RHEB: variants seen among roughly 807,000 people sequenced by gnomAD.
RHEB encodes the protein Ras homolog, mTORC1 binding.
A neutral mutation model predicts 28.8 loss-of-function variants in RHEB; 2 were observed. The ratio of observed to expected loss-of-function variants is 0.07; its 90% CI spans 0.03 to 0.22. The LOEUF (loss-of-function observed/expected upper bound fraction) is 0.22. RHEB is among the 10% of genes least tolerant of loss of function. The probability of loss-of-function intolerance (pLI) is 1.00; values close to 1 mark genes in which losing one functional copy is unlikely to be tolerated. For missense variants in RHEB, 76 were observed against 219.9 expected (o/e 0.35, Z 4.14); for synonymous variants, 69 against 77.3 (o/e 0.89, Z 0.56).
At chr7:151,483,833 A>G (rs1802420685) in intron 3 of RHEB, among the ~76,000 whole-genome samples, 1 of 152,164 alleles carries the variant, frequency 6.6e-6, no homozygotes, top group African/African-American at 2.4e-5. Flanking sequence ...GCAGGCCTGG[A>G]TGTCATGGTA....
intron 3 of RHEB, among the ~76,000 whole-genome samples, chr7:151,480,207 C>T (rs565416250): frequency 1.3e-5 from 2 of 152,144 alleles, no homozygotes; most frequent in East Asian, 1.9e-4. Context: ...AAACAACGTC[C>T]GGGATGTTCA....
In RHEB at chr7:151,484,780, T is replaced by C. The variant is rs1278044521; in HGVS notation, c.149A>G (p.Asn50Ser). 6.2e-7 allele frequency: 1 copy of C among 1,612,884 alleles called. No individual in the cohort carries two copies. Among genetic ancestry groups the C allele is most frequent in the African/African-American group, 1.3e-5 (1 of 75,014 alleles). The change falls in exon 3 of 8, where the codon AAT (asparagine) becomes AGT (serine). Residue 50 changes from asparagine to serine, a missense_variant. Physicochemically the swap from Asn to Ser is conservative, Grantham distance 46 (BLOSUM62 1). Coordinates refer to ENST00000262187, the MANE Select transcript of RHEB (RefSeq NM_005614.4). ...AAGTTGAAGATGATATTCTTGTCCA[T>C]TTACTGTGATCAACTTTGTAAAAGC... Reference protein sequence around the residue: ...ENTFTKLITVNGQEYHLQLVD... With the variant: ...ENTFTKLITVSGQEYHLQLVD...
At chr7:151,485,410 G>A (rs1030762369) in intron 2 of RHEB, among the ~76,000 whole-genome samples, 4 of 152,060 alleles carry the variant, frequency 2.6e-5, no homozygotes, top group African/African-American at 7.2e-5. Flanking sequence ...AATAACTTCC[G>A]GAAAAGTCAA....
At chr7:151,477,910 AGGAGAGAG>A (rs1175637816) in intron 3 of RHEB, among the ~76,000 whole-genome samples, 2 of 151,996 alleles carry the variant, frequency 1.3e-5, no homozygotes, top group African/African-American at 2.4e-5. Context: ...CAGCATCTGA[AGGAGAGAG>A]GGAGAGAGGG....
intron 4 of RHEB, among the ~76,000 whole-genome samples, chr7:151,475,158 C>T (rs1318676447): frequency 6.6e-6 from 1 of 152,168 alleles, no homozygotes; most frequent in South Asian, 2.1e-4. Flanking sequence ...TTGGTGAGCA[C>T]ACTTTCATAT....
chr7:151,473,280 G>A (rs567492261), intron 4 of RHEB, among the ~76,000 whole-genome samples: 1 of 152,166 alleles, frequency 6.6e-6, no homozygotes, highest in Non-Finnish European at 1.5e-5. Context: ...TCAGGCCAGC[G>A]GCCAGCAAGG....
At chr7:151,475,632 A>G (rs1350578888) in intron 4 of RHEB, among the ~76,000 whole-genome samples, 2 of 152,236 alleles carry the variant, frequency 1.3e-5, no homozygotes, top group East Asian at 3.8e-4. Flanking sequence ...CTTATAAGTC[A>G]GTAAGAAAAT....
chr7:151,519,677 G>A lies in RHEB; in HGVS notation c.-166C>T. ...CTAGCTCGCGCGCTCCCAACCGCCC[G>A]GAACCGACCGCGCGGCGGCGCCCCT... On this transcript the variant is annotated 5_prime_UTR_variant, in exon 1 of 8. Transcript: ENST00000262187. 4.3e-6 allele frequency: 2 copies of A among 464,670 alleles called. No individual in the cohort carries two copies. Among genetic ancestry groups the A allele is most frequent in the Non-Finnish European group, 6.8e-6 (2 of 292,706 alleles). 28.8% of individuals were successfully genotyped at this position (464,670 alleles called of 1,614,324 possible).
At chr7:151,488,494 T>A (rs954595144) in intron 2 of RHEB, among the ~76,000 whole-genome samples, 18 of 152,236 alleles carry the variant, frequency 1.2e-4, no homozygotes, top group Admixed American at 3.3e-4. Context: ...AAGTTCATGA[T>A]AACCTTTTCT....
intron 1 of RHEB, chr7:151,501,886 C>A (rs371010778): frequency 3.9e-5 from 26 of 660,160 alleles, no homozygotes; most frequent in Non-Finnish European, 6.2e-5. Context: ...AGATGGTGGA[C>A]GACCCCAGTG....
chr7:151,493,850 G>GA (rs1356728956), intron 1 of RHEB, among the ~76,000 whole-genome samples: 1 of 151,590 alleles, frequency 6.6e-6, no homozygotes, highest in East Asian at 1.9e-4. Flanking sequence ...ATAGCAAGAA[G>GA]AAAACTCCTC....
At chr7:151,481,410 C>A (rs545645576) in intron 3 of RHEB, among the ~76,000 whole-genome samples, 2 of 152,306 alleles carry the variant, frequency 1.3e-5, no homozygotes, top group African/African-American at 4.8e-5. Context: ...AATGTGGAAG[C>A]CAGTGAACAA....
chr7:151,507,792 C>T (rs1042722787), intron 1 of RHEB, among the ~76,000 whole-genome samples: 1 of 151,902 alleles, frequency 6.6e-6, no homozygotes, highest in Non-Finnish European at 1.5e-5. Flanking sequence ...TATAGGTAAC[C>T]CTATTGCCAA....
intron 6 of RHEB, among the ~76,000 whole-genome samples, 189 bp from the exon 7 acceptor site, chr7:151,470,841 G>T (rs561524603): frequency 6.6e-6 from 1 of 152,360 alleles, no homozygotes; most frequent in Admixed American, 6.5e-5. Context: ...CTGGGGAACA[G>T]AATAGACATT....
At chr7:151,478,113 T>G (rs1232410960) in intron 3 of RHEB, among the ~76,000 whole-genome samples, 2 of 152,228 alleles carry the variant, frequency 1.3e-5, no homozygotes, top group Non-Finnish European at 2.9e-5. Flanking sequence ...AGCAGCGTTA[T>G]GACACTTTGC....
chr7:151,480,428 T>C (rs568655216), intron 3 of RHEB, among the ~76,000 whole-genome samples: 2 of 151,872 alleles, frequency 1.3e-5, no homozygotes, highest in South Asian at 4.2e-4. Flanking sequence ...CTTAAAACTA[T>C]ATTTGCATAT....
chr7:151,483,297 C>T (rs1478102502), intron 3 of RHEB, among the ~76,000 whole-genome samples: 1 of 152,202 alleles, frequency 6.6e-6, no homozygotes, highest in African/African-American at 2.4e-5. Flanking sequence ...TCCAAACCCA[C>T]AGGACAGGTC....
intron 4 of RHEB, among the ~76,000 whole-genome samples, chr7:151,473,334 G>C (rs1305176174): frequency 6.6e-6 from 1 of 152,166 alleles, no homozygotes; most frequent in East Asian, 1.9e-4. Context: ...ACTCAACCCT[G>C]TCAAGAGCCA....
intron 1 of RHEB, among the ~76,000 whole-genome samples, chr7:151,493,563 T>C (rs1802624772): frequency 1.3e-5 from 2 of 152,222 alleles, no homozygotes; most frequent in African/African-American, 4.8e-5. Flanking sequence ...AATTAAAGCG[T>C]AGATCTCCAA....
Sources: allele counts gnomAD v4.1 joint callset (sites outside exome capture counted in the v4.1 genomes callset), GRCh38; gene constraint gnomAD v4.1.1; transcripts MANE v1.5; gene names NCBI Gene and HGNC (gene_info 2026-07-23, HGNC 2026-07-21).